The following SLC25A48 variants were observed in gnomAD, a reference collection of about 807,000 sequenced individuals.
SLC25A48 encodes the protein solute carrier family 25 member 48, also known as CTC-321K16.1.
Under a neutral mutation model 32.2 loss-of-function variants are expected in SLC25A48, and 29 were observed. The observed-to-expected ratio is 0.90, with a 90% CI of 0.67 to 1.23. The LOEUF is 1.23. SLC25A48 is among the 50% of genes most tolerant of loss of function. The pLI, the probability that SLC25A48 is intolerant of heterozygous loss-of-function variation, is 0.00. For synonymous variants in SLC25A48, 164 were observed against 172.3 expected, an observed-to-expected ratio of 0.95 and a Z score of 0.38; for missense variants, 399 against 422.7, an observed-to-expected ratio of 0.94 and a Z score of 0.49.
chr5:135,678,660 T>A (rs1340936272), intron 3 of SLC25A48, among the ~76,000 whole-genome samples: 1 of 152,218 alleles, frequency 6.6e-6, no homozygotes, highest in African/African-American at 2.4e-5. Flanking sequence ...TTTTTCCAAT[T>A]TTTCAAATTT....
At chr5:135,741,614 C>T (rs1429811153) in intron 3 of SLC25A48, among the ~76,000 whole-genome samples, 3 of 152,034 alleles carry the variant, frequency 2.0e-5, no homozygotes, top group Admixed American at 6.6e-5. Context: ...GGCAAACACC[C>T]GTAGTCCCAG....
chr5:135,700,371 CAAAA>C (rs34125451), intron 3 of SLC25A48, among the ~76,000 whole-genome samples: 12 of 67,968 alleles, frequency 1.8e-4, no homozygotes, highest in Non-Finnish European at 2.3e-4. Context: ...GACTCTGTCT[CAAAA>C]AAAAAAAAAA....
chr5:135,776,418 C>T (rs895562437), intron 3 of SLC25A48, among the ~76,000 whole-genome samples: 5 of 151,610 alleles, frequency 3.3e-5, no homozygotes, highest in African/African-American at 9.7e-5. Context: ...GATATTGTTC[C>T]AAATATAAAA....
chr5:135,692,548 G>A lies in SLC25A48; in HGVS notation c.-521+57592G>A, dbSNP rs79094542. ...TTATAGATTTAAGGAGGCTCTTTTA[G>A]TGTTCAAGAATTTGATCTCACTTTG... On this transcript the variant is annotated intron_variant, in intron 3 of 10. Coordinates refer to the SLC25A48 transcript ENST00000646290. 2.5e-3 allele frequency among the ~76,000 whole-genome samples: 384 copies of A among 152,298 alleles called. 1 individual carries two copies. Among genetic ancestry groups the A allele is most frequent in the African/African-American group, 8.9e-3 (371 of 41,572 alleles).
chr5:135,718,515 C>G (rs1196319438), intron 3 of SLC25A48, among the ~76,000 whole-genome samples: 1 of 152,158 alleles, frequency 6.6e-6, no homozygotes, highest in Non-Finnish European at 1.5e-5. Flanking sequence ...ATATGGATCT[C>G]TATGCTGAAA....
intron 3 of SLC25A48, among the ~76,000 whole-genome samples, chr5:135,771,988 A>G (rs1292873137): frequency 6.6e-6 from 1 of 150,972 alleles, no homozygotes; most frequent in African/African-American, 2.4e-5. Flanking sequence ...CACTCCCAAT[A>G]TCATGGGGGC....
At chr5:135,689,194 G>T (rs1247221313) in intron 3 of SLC25A48, among the ~76,000 whole-genome samples, 1 of 152,156 alleles carries the variant, frequency 6.6e-6, no homozygotes, top group Admixed American at 6.5e-5. Context: ...AAGGAACTGG[G>T]TGCCTCAGAC....
At chr5:135,704,504 C>A (rs370987705) in intron 3 of SLC25A48, among the ~76,000 whole-genome samples, 2 of 152,196 alleles carry the variant, frequency 1.3e-5, no homozygotes, top group Non-Finnish European at 2.9e-5. Flanking sequence ...TTTCTGACTT[C>A]CAGATCAGTG....
rs370427162 is a variant in SLC25A48, at chr5:135,799,506, AAG to A, written c.-520-13013_-520-13012del. On this transcript the variant is annotated intron_variant, in intron 3 of 10. Transcript: ENST00000646290. Reference sequence around the variant, plus strand: ...GATATTGTTCCCAATATCCAGGGGAAAGAGAATCATATTATTCCCATTATCGA... The same window carrying A: ...GATATTGTTCCCAATATCCAGGGGAAAGAATCATATTATTCCCATTATCGA... Among the ~76,000 whole-genome samples the A allele has an allele frequency of 2.6e-3, 389 of 151,730 alleles. 4 individuals are homozygous for A. Among genetic ancestry groups the A allele is most frequent in the African/African-American group, 8.9e-3 (370 of 41,408 alleles).
intron 3 of SLC25A48, among the ~76,000 whole-genome samples, chr5:135,668,587 C>A (rs995466730): frequency 1.3e-5 from 2 of 152,174 alleles, no homozygotes; most frequent in Non-Finnish European, 2.9e-5. Flanking sequence ...CATGTATAAG[C>A]ACTGATGTTT....
At chr5:135,832,937 C>G (rs1428364225), upstream of SLC25A48, among the ~76,000 whole-genome samples, 2 of 152,208 alleles carry the variant, frequency 1.3e-5, no homozygotes, top group Non-Finnish European at 2.9e-5. Flanking sequence ...CCTGCCCTCT[C>G]CCGAGTGTAG....
intron 3 of SLC25A48, among the ~76,000 whole-genome samples, chr5:135,703,879 T>C (rs971959273): frequency 6.6e-6 from 1 of 152,228 alleles, no homozygotes; most frequent in Non-Finnish European, 1.5e-5. Context: ...TTCTGCGTAC[T>C]GTGCCCTTAA....
At chr5:135,649,246 G>C (rs1248903046) in intron 3 of SLC25A48, 2 of 152,094 alleles carry the variant, frequency 1.3e-5, no homozygotes, top group East Asian at 3.9e-4. Context: ...ATTATTTTAG[G>C]GTGGAAAAGA....
chr5:135,626,962 G>A (rs1056642782), intron 1 of SLC25A48, among the ~76,000 whole-genome samples: 1 of 152,228 alleles, frequency 6.6e-6, no homozygotes, highest in African/African-American at 2.4e-5. Context: ...TCTTGCAACA[G>A]ACCCATAGAA....
intron 3 of SLC25A48, among the ~76,000 whole-genome samples, chr5:135,681,616 A>G (rs1753899142): frequency 6.6e-6 from 1 of 152,112 alleles, no homozygotes; most frequent in Non-Finnish European, 1.5e-5. Context: ...GTAATTTTTA[A>G]TTGCTTGCCA....
In SLC25A48 at chr5:135,782,287, T is replaced by G. The variant is rs1756733414; in HGVS notation, c.-520-30236T>G. On this transcript the variant is annotated intron_variant, in intron 3 of 10. Coordinates refer to the SLC25A48 transcript ENST00000646290. ...AGAGGGTATACACCCCACTATGGTG[T>G]TGTTTTCAATATCTAGGTGGGGAGA... is the stretch of plus-strand genomic sequence containing the variant. 1.7e-5 allele frequency among the ~76,000 whole-genome samples: 2 copies of G among 115,496 alleles called. 1 individual carries two copies. The highest frequency in any genetic ancestry group is 5.3e-5 in the African/African-American group (2 of 38,052). The allele number at this position is 115,496 out of a possible 152,430, so 75.8% of individuals were successfully genotyped here.
chr5:135,886,290 C>G (rs898958242), intron 7 of SLC25A48, among the ~76,000 whole-genome samples: 1 of 151,116 alleles, frequency 6.6e-6, no homozygotes, highest in African/African-American at 2.4e-5. Context: ...AGTAACAGCC[C>G]CTGCCACACC....
chr5:135,835,941 A>C lies in SLC25A48; in HGVS notation c.46+1048A>C, dbSNP rs549947404. Among the ~76,000 whole-genome samples the C allele has an allele frequency of 2.6e-5, 4 of 152,254 alleles. No homozygotes were observed. The South Asian group carries it at 8.3e-4, about 32-fold the overall frequency. On this transcript the variant is annotated intron_variant, in intron 1 of 7. Coordinates refer to ENST00000681962, the MANE Select transcript of SLC25A48 (RefSeq NM_001349336.2). ...TTTCACCTTGAGTAAGTCTGTTGGCACAGATGCCCTTGGGTGGGGCTGAGA... is the reference window on the plus strand; with the variant it reads ...TTTCACCTTGAGTAAGTCTGTTGGCCCAGATGCCCTTGGGTGGGGCTGAGA...
chr5:135,779,372 C>A (rs960709097), intron 3 of SLC25A48, among the ~76,000 whole-genome samples: 1 of 151,412 alleles, frequency 6.6e-6, no homozygotes, highest in African/African-American at 2.4e-5. Context: ...GGGGTGGATA[C>A]CCCCTGTGTG....
Sources: gnomAD v4.1 joint callset for allele counts (sites outside exome capture counted in the v4.1 genomes callset) on GRCh38, gnomAD v4.1.1 for gene constraint, MANE v1.5 for transcripts, NCBI Gene and HGNC (gene_info 2026-07-23, HGNC 2026-07-21) for gene names.